PLPPR3: variants seen among roughly 807,000 people sequenced by gnomAD.
PLPPR3 encodes the protein phospholipid phosphatase-related protein type 3.
Under a neutral mutation model 27.3 loss-of-function variants are expected in PLPPR3, and 14 were observed. That is an observed-to-expected ratio of 0.51 (90% confidence interval 0.34 to 0.80). The LOEUF is 0.80. Ranked by LOEUF, PLPPR3 falls within the 30% of genes least tolerant of loss-of-function variation. The pLI, the probability that PLPPR3 is intolerant of heterozygous loss-of-function variation, is 0.01. For missense variants in PLPPR3, 1,287 were observed against 1,056.9 expected (o/e 1.22, Z -3.02); for synonymous variants, 671 against 508.0 (o/e 1.32, Z -4.32).
chr19:813,086 G>C lies in PLPPR3; in HGVS notation c.1641C>G (p.Gly547=). ...LQVIAMSKAP[G]APGPKAAETA... ...TCTCGGCCGCCTTGGGGCCCGGCGC[G>C]CCCGGAGCCTTGGACATGGCGATGA... The change falls in exon 8 of 8, where the codon GGC becomes GGG. Residue 547 remains glycine, a synonymous_variant. Coordinates refer to ENST00000520876, the MANE Select transcript of PLPPR3 (RefSeq NM_001270366.2). This position sits in a 1 kb window ranked among gnomAD's most constrained non-coding sequence, Gnocchi z 4.1. 2.0e-6 allele frequency: 3 copies of C among 1,497,266 alleles called. No individual in the cohort carries two copies. Among genetic ancestry groups the C allele is most frequent in the Non-Finnish European group, 2.6e-6 (3 of 1,134,284 alleles). The allele number at this position is 1,497,266 out of a possible 1,614,324, so 92.7% of individuals were successfully genotyped here.
intron 2 of PLPPR3, among the ~76,000 whole-genome samples, chr19:816,706 T>TCCATCCACCCACGCACCCAC (rs1219498021): frequency 1.5e-5 from 2 of 135,024 alleles, no homozygotes; most frequent in Non-Finnish European, 3.2e-5. Flanking sequence ...CACCCAACCG[T>TCCATCCACCCACGCACCCAC]CCATCCATCC....
At chr19:823,575 T>C (rs998641864), upstream of PLPPR3, among the ~76,000 whole-genome samples, 7 of 152,088 alleles carry the variant, frequency 4.6e-5, no homozygotes, top group African/African-American at 1.7e-4. Context: ...AACAGTTAAA[T>C]GGCGATGGGA....
chr19:813,322 A>T lies in PLPPR3; in HGVS notation c.1405T>A (p.Tyr469Asn), dbSNP rs2034976043. The T allele has an allele frequency of 2.7e-6, 4 of 1,468,418 alleles. No homozygotes were observed. The highest frequency in any genetic ancestry group is 3.6e-6 in the Non-Finnish European group (4 of 1,121,104). 91.0% of individuals were successfully genotyped at this position (1,468,418 alleles called of 1,614,324 possible). Residue 469 changes from tyrosine to asparagine, a missense_variant, in exon 8 of 8, where the codon TAC becomes AAC. By Grantham distance (143) the Tyr-to-Asn change is moderately radical. Transcript: ENST00000520876. The surrounding 1 kb of genome is among the most constrained non-coding windows in gnomAD (Gnocchi z 4.1). ...EDEGPAPPSL[Y>N]PTVQARPGLG... The stretch of plus-strand genomic sequence containing the variant: ...CCCGGCCGCGCCTGCACGGTGGGGT[A>T]GAGCGAGGGCGGGGCCGGGCCCTCG...
At chr19:815,445 G>A in intron 3 of PLPPR3, 118 bp from the exon 4 acceptor site, 2 of 1,150,044 alleles carry the variant, frequency 1.7e-6, no homozygotes, top group South Asian at 3.2e-5. Context: ...GTTCACCGAG[G>A]TGGCGGGGGT....
Position 815,720 on chromosome 19 carries a change from C to T in PLPPR3, c.207G>A (p.Glu69=), listed in dbSNP as rs2035042285. 41 of 1,610,298 alleles carry T rather than the reference C, an allele frequency of 2.5e-5. No homozygotes were observed. The highest frequency in any genetic ancestry group is 3.3e-5 in the Non-Finnish European group (39 of 1,178,800). Residue 69 remains glutamate, a synonymous_variant, in exon 3 of 8, where the codon GAG becomes GAA. Coordinates refer to ENST00000520876, the MANE Select transcript of PLPPR3 (RefSeq NM_001270366.2). ...TGAGCAGCATCAGCAGCGGGATGAG[C>T]TCCTCGTTGGTCTCCACGTAGGGCA... is the stretch of plus-strand genomic sequence containing the variant. The part of the protein sequence containing the change: ...LSMPYVETNE[E]LIPLLMLLSL...
Position 813,979 on chromosome 19 carries a change from C to T in PLPPR3, c.832-84G>A, listed in dbSNP as rs351992. On this transcript the variant is annotated intron_variant, in intron 7 of 7. Coordinates refer to ENST00000520876, the MANE Select transcript of PLPPR3 (RefSeq NM_001270366.2). This position sits in a 1 kb window ranked among gnomAD's most constrained non-coding sequence, Gnocchi z 4.1. ...ATCGTTGGACTTGCCGCGGGGGGCT[C>T]TGGACCGGGGGTGGGGGCTGGCAAG... 260,617 of 1,378,400 alleles carry T rather than the reference C, an allele frequency of 0.19. 31,130 individuals carry two copies. Among genetic ancestry groups the T allele is most frequent in the African/African-American group, 0.58 (38,592 of 66,404 alleles). 85.4% of individuals were successfully genotyped at this position (1,378,400 alleles called of 1,614,324 possible).
rs2035031774 is a variant in PLPPR3, at chr19:815,215, G to A, written c.374C>T (p.Ser125Phe). ...AAACCGCACCGTACGCCGCAGGAAG[G>A]AGTTGAAGTTGCAGCCGCCGGCGTT... ...SINAGGCNFN[S>F]FLRRTVRFVG... Residue 125 changes from serine to phenylalanine, a missense_variant, in exon 4 of 8, where the codon TCC becomes TTC. Coordinates refer to ENST00000520876, the MANE Select transcript of PLPPR3 (RefSeq NM_001270366.2). 6.2e-7 allele frequency: 1 copy of A among 1,601,574 alleles called. No individual in the cohort carries two copies. The highest frequency in any genetic ancestry group is 1.7e-5 in the Admixed American group (1 of 59,248).
intron 6 of PLPPR3, 38 bp from the exon 7 acceptor site, chr19:814,645 C>T (rs368660506): frequency 5.0e-5 from 80 of 1,609,884 alleles, no homozygotes; most frequent in Non-Finnish European, 6.1e-5. Context: ...GGGCTCCCCA[C>T]GGGTCAGCAA....
intron 2 of PLPPR3, among the ~76,000 whole-genome samples, chr19:819,989 C>T (rs910811494): frequency 1.1e-4 from 17 of 151,854 alleles, no homozygotes; most frequent in African/African-American, 3.9e-4. Flanking sequence ...CTCAGCTGCA[C>T]ACCACCACGC....
At chr19:823,449 A>AAAAAACAAAC (rs1035787040), upstream of PLPPR3, among the ~76,000 whole-genome samples, 7 of 141,834 alleles carry the variant, frequency 4.9e-5, no homozygotes, top group Non-Finnish European at 7.5e-5. Flanking sequence ...CTCAAAAAAA[A>AAAAAACAAAC]AAAAAAAAAC....
Position 813,444 on chromosome 19 carries a change from C to A in PLPPR3, c.1283G>T (p.Ser428Ile). Residue 428 changes from serine (S) to isoleucine (I), a missense_variant, in exon 8 of 8, where the codon AGC becomes ATC. Physicochemically the swap from Ser to Ile is moderately radical, Grantham distance 142. Coordinates refer to ENST00000520876, the MANE Select transcript of PLPPR3 (RefSeq NM_001270366.2). The surrounding 1 kb of genome is among the most constrained non-coding windows in gnomAD (Gnocchi z 4.1). ...GGCGGGCGCGCGCAGGTGCCCGGGG[C>A]TGGCGTCGTCGGGCAGCCCCAGGCC... ...GRGLGLPDDA[S>I]PGHLRAPAEP... 1 of 1,526,454 alleles carries A rather than the reference C, an allele frequency of 6.6e-7. No homozygotes were observed. The highest frequency in any genetic ancestry group is 1.2e-5 in the South Asian group (1 of 83,122). 94.6% of individuals were successfully genotyped at this position (1,526,454 alleles called of 1,614,324 possible).
rs1202113166 is a variant in PLPPR3, at chr19:814,714, G to T, written c.635C>A (p.Ala212Asp). The change falls in exon 6 of 8, where the codon GCC becomes GAC. Residue 212 changes from alanine to aspartate, a missense_variant. Ala to Asp is a moderately radical substitution (Grantham distance 126). Transcript: ENST00000520876. ...CACCGACACATAGACCGCGGCGAAGGCTGACAGCGTGGCGTGCTGGGACGG... is the reference window on the plus strand; with the variant it reads ...CACCGACACATAGACCGCGGCGAAGTCTGACAGCGTGGCGTGCTGGGACGG... ...TFPSQHATLS[A>D]FAAVYVSMYF... The T allele has an allele frequency of 1.3e-6, 2 of 1,590,848 alleles. No homozygotes were observed. Among genetic ancestry groups the T allele is most frequent in the Non-Finnish European group, 1.7e-6 (2 of 1,171,436 alleles).
At chr19:814,274 A>C (rs1456101223) in intron 7 of PLPPR3, among the ~76,000 whole-genome samples, 160 bp downstream of exon 7, 1 of 74,792 alleles carries the variant, frequency 1.3e-5, no homozygotes, top group Non-Finnish European at 2.5e-5. Flanking sequence ...ACCATGCCTC[A>C]CCCCTCAGGC....
Position 813,696 on chromosome 19 carries a change from G to C in PLPPR3, c.1031C>G (p.Thr344Ser). The C allele has an allele frequency of 6.5e-7, 1 of 1,529,856 alleles. No homozygotes were observed. The highest frequency in any genetic ancestry group is 8.7e-7 in the Non-Finnish European group (1 of 1,143,444). 94.8% of individuals were successfully genotyped at this position (1,529,856 alleles called of 1,614,324 possible). A position where few individuals can be genotyped will look rare whatever the true frequency, so the allele number is the denominator to read the frequency against. ...GAPRPVAREK[T>S]SLGSLKRASV... ...GGCGCGCTTCAGGCTGCCCAGCGAG[G>C]TCTTCTCGCGGGCCACGGGCCGGGG... is the stretch of plus-strand genomic sequence containing the variant. The change falls in exon 8 of 8, where the codon ACC becomes AGC. Residue 344 changes from threonine (T) to serine (S), a missense_variant. Thr to Ser is a moderately conservative substitution (Grantham distance 58). Transcript: ENST00000520876. The surrounding 1 kb of genome is among the most constrained non-coding windows in gnomAD (Gnocchi z 4.1).
At chr19:823,455 A>ACAAAAAAAC (rs757761080), upstream of PLPPR3, among the ~76,000 whole-genome samples, 1 of 131,986 alleles carries the variant, frequency 7.6e-6, no homozygotes, top group Non-Finnish European at 1.7e-5. Context: ...AAAAAAAAAA[A>ACAAAAAAAC]AAACAAACAA....
chr19:814,510 T>C lies in PLPPR3; in HGVS notation c.755A>G (p.Gln252Arg), dbSNP rs564542617. 15 of 1,611,242 alleles carry C rather than the reference T, an allele frequency of 9.3e-6. No homozygotes were observed. The highest frequency in any genetic ancestry group is 1.3e-5 in the Non-Finnish European group (15 of 1,179,902). ...AIAAGVCGLT[Q>R]ITQYRSHPVD... ...AGGGTGGCTGCGGTACTGCGTGATC[T>C]GCGTGAGCCCGCATACGCCCGCGGC... The change falls in exon 7 of 8, where the codon CAG (glutamine) becomes CGG (arginine). Residue 252 changes from glutamine (Q) to arginine (R), a missense_variant. Gln to Arg is a conservative substitution (Grantham distance 43, BLOSUM62 1). Transcript: ENST00000520876.
chr19:812,611 C>T lies in PLPPR3; in HGVS notation c.2116G>A (p.Gly706Ser), dbSNP rs2034944918. ...CGCGCCTGCATCTTGCGGAAGTAGCCCTCGGCCTCCGCCTCCGCCTCGCGC... is the reference window on the plus strand; with the variant it reads ...CGCGCCTGCATCTTGCGGAAGTAGCTCTCGGCCTCCGCCTCCGCCTCGCGC... Reference protein sequence around the residue: ...AEREAEAEAEGYFRKMQARRF... With the variant: ...AEREAEAEAESYFRKMQARRF... The change falls in exon 8 of 8, where the codon GGC becomes AGC. Residue 706 changes from glycine (G) to serine (S), a missense_variant. Gly to Ser is a moderately conservative substitution (Grantham distance 56, BLOSUM62 0). Transcript: ENST00000520876. 2 of 1,121,620 alleles carry T rather than the reference C, an allele frequency of 1.8e-6. No individual in the cohort carries two copies. The highest frequency in any genetic ancestry group is 8.0e-5 in the East Asian group (1 of 12,430). The allele number at this position is 1,121,620 out of a possible 1,614,324, so 69.5% of individuals were successfully genotyped here. A position where few individuals can be genotyped will look rare whatever the true frequency, so the allele number is the denominator to read the frequency against.
At chr19:823,191 C>T (rs964022111), upstream of PLPPR3, among the ~76,000 whole-genome samples, 1 of 151,872 alleles carries the variant, frequency 6.6e-6, no homozygotes, top group Non-Finnish European at 1.5e-5. Context: ...CCTATAATCC[C>T]AGCACTTTGG....
In PLPPR3 at chr19:813,976, G is replaced by A. The variant is rs1002463387; in HGVS notation, c.832-81C>T. On this transcript the variant is annotated intron_variant, in intron 7 of 7. Transcript: ENST00000520876. This position sits in a 1 kb window ranked among gnomAD's most constrained non-coding sequence, Gnocchi z 4.1. ...GTGATCGTTGGACTTGCCGCGGGGG[G>A]CTCTGGACCGGGGGTGGGGGCTGGC... 5.1e-6 allele frequency: 7 copies of A among 1,385,892 alleles called. No homozygotes were observed. The highest frequency in any genetic ancestry group is 6.6e-6 in the Non-Finnish European group (7 of 1,068,568). The allele number at this position is 1,385,892 out of a possible 1,614,324, so 85.8% of individuals were successfully genotyped here.
Sources: gnomAD v4.1 joint callset for allele counts (sites outside exome capture counted in the v4.1 genomes callset) on GRCh38, gnomAD v4.1.1 for gene constraint, Gnocchi (gnomAD v3.1) non-coding constraint, MANE v1.5 for transcripts, NCBI Gene and HGNC (gene_info 2026-07-23, HGNC 2026-07-21) for gene names.